The following EPHA6 variants were observed in gnomAD, a reference collection of about 807,000 sequenced individuals.
EPHA6 encodes EPH receptor A6.
EPHA6 carries 50 observed loss-of-function variants against 112.0 expected under a neutral mutation model. The observed-to-expected ratio is 0.45, with a 90% CI of 0.36 to 0.56. EPHA6 has a LOEUF of 0.56. EPHA6 is among the 20% of genes least tolerant of loss of function. The pLI is 0.00. For missense variants in EPHA6, 1,280 were observed against 1,417.4 expected, an observed-to-expected ratio of 0.90 and a Z score of 1.56; for synonymous variants, 529 against 490.7, an observed-to-expected ratio of 1.08 and a Z score of -1.03.
chr3:96,947,198 G>A (rs1211384456), intron 2 of EPHA6, among the ~76,000 whole-genome samples: 1 of 152,086 alleles, frequency 6.6e-6, no homozygotes, highest in African/African-American at 2.4e-5. Flanking sequence ...GATCCCATTT[G>A]TCAGTTTTGG....
intron 3 of EPHA6, among the ~76,000 whole-genome samples, chr3:97,108,501 T>A (rs989791126): frequency 5.9e-5 from 9 of 152,140 alleles, no homozygotes; most frequent in Non-Finnish European, 1.0e-4. Context: ...CCAAGGAAAG[T>A]ACATAAGAAA....
intron 3 of EPHA6, among the ~76,000 whole-genome samples, chr3:96,989,923 A>G (rs1234058422): frequency 6.6e-6 from 1 of 152,144 alleles, no homozygotes; most frequent in Non-Finnish European, 1.5e-5. Flanking sequence ...AAATTTATAC[A>G]TATGAATAAT....
intron 3 of EPHA6, among the ~76,000 whole-genome samples, chr3:97,049,621 G>A (rs985217940): frequency 1.3e-5 from 2 of 152,170 alleles, no homozygotes; most frequent in Non-Finnish European, 2.9e-5. Context: ...TCACCATAAA[G>A]GAATGAATAC....
At chr3:97,405,032 A>G in intron 5 of EPHA6, 118 bp from the exon 6 acceptor site, 1 of 1,122,442 alleles carries the variant, frequency 8.9e-7, no homozygotes, top group Non-Finnish European at 1.3e-6. Flanking sequence ...ATCTGCCTTC[A>G]ATAAATGGTG....
At chr3:97,334,474 T>TC (rs2082957909) in intron 5 of EPHA6, among the ~76,000 whole-genome samples, 1 of 145,780 alleles carries the variant, frequency 6.9e-6, no homozygotes, top group South Asian at 2.1e-4. Context: ...TCTTTTTTTT[T>TC]CTTCTTTTTT....
rs1263579555 is a variant in EPHA6, at chr3:97,624,945, T to C, written c.2575-12928T>C. Among the ~76,000 whole-genome samples the C allele has an allele frequency of 2.0e-5, 3 of 151,688 alleles. No individual in the cohort carries two copies. The East Asian group carries it at 5.8e-4, about 29-fold the overall frequency. The stretch of plus-strand genomic sequence containing the variant: ...AATTTCAGTCTTCTCTTCATTTTCT[T>C]GGTCAATCTAGATAAAAGTTTGTTG... On this transcript the variant is annotated intron_variant, in intron 13 of 17. Coordinates refer to ENST00000389672, the MANE Select transcript of EPHA6 (RefSeq NM_001080448.3).
At chr3:96,897,787 G>A (rs947656402) in intron 2 of EPHA6, among the ~76,000 whole-genome samples, 2 of 152,160 alleles carry the variant, frequency 1.3e-5, no homozygotes, top group African/African-American at 4.8e-5. Context: ...ATATCTGTGA[G>A]TATGTTGATT....
intron 3 of EPHA6, among the ~76,000 whole-genome samples, chr3:97,053,903 T>C (rs1487333644): frequency 6.6e-6 from 1 of 152,064 alleles, no homozygotes; most frequent in African/African-American, 2.4e-5. Flanking sequence ...GCTCAAATTA[T>C]ATAATTTCAG....
intron 5 of EPHA6, among the ~76,000 whole-genome samples, chr3:97,340,552 G>C (rs1004184338): frequency 3.9e-5 from 6 of 152,188 alleles, no homozygotes; most frequent in African/African-American, 1.4e-4. Context: ...GAAAGGGATA[G>C]TGGGTGTTTC....
Position 96,956,514 on chromosome 3 carries a change from A to C in EPHA6, c.451-30816A>C, listed in dbSNP as rs566337749. Among the ~76,000 whole-genome samples, 13 of 152,322 alleles carry C rather than the reference A, an allele frequency of 8.5e-5. No homozygotes were observed. In the South Asian group the frequency reaches 2.5e-3, roughly 29 times the overall value. On this transcript the variant is annotated intron_variant, in intron 2 of 17. Coordinates refer to ENST00000389672, the MANE Select transcript of EPHA6 (RefSeq NM_001080448.3). ...TTTTCATTACATCTAATTAAAGGTT[A>C]TGACTTTGGAATAAAAAGACGATAT...
intron 11 of EPHA6, among the ~76,000 whole-genome samples, chr3:97,583,212 C>T (rs760136008): frequency 8.6e-5 from 13 of 151,776 alleles, no homozygotes; most frequent in Non-Finnish European, 1.9e-4. Context: ...TAGCTGACTC[C>T]TTGGCACCTG....
rs544607435 is a variant in EPHA6, at chr3:97,078,278, C to A, written c.1114+90285C>A. On this transcript the variant is annotated intron_variant, in intron 3 of 17. Coordinates refer to ENST00000389672, the MANE Select transcript of EPHA6 (RefSeq NM_001080448.3). ...CTTGTAAATTTGTTTAAGTTCTTTG[C>A]AGATTCTGGATATTAGCCCTTTTTC... is the stretch of plus-strand genomic sequence containing the variant. Among the ~76,000 whole-genome samples the A allele has an allele frequency of 3.3e-5, 5 of 152,046 alleles. No individual in the cohort carries two copies. The East Asian group carries it at 9.7e-4, about 29-fold the overall frequency.
At chr3:97,132,846 T>C (rs1301091096) in intron 3 of EPHA6, among the ~76,000 whole-genome samples, 2 of 151,988 alleles carry the variant, frequency 1.3e-5, no homozygotes, top group Non-Finnish European at 2.9e-5. Flanking sequence ...CTAATCGAAG[T>C]ATGCATTCAC....
chr3:97,513,513 G>C (rs1485905461), intron 10 of EPHA6, among the ~76,000 whole-genome samples: 1 of 152,174 alleles, frequency 6.6e-6, no homozygotes, highest in Non-Finnish European at 1.5e-5. Context: ...AGGAAATCCT[G>C]TCATTTGTGA....
intron 3 of EPHA6, among the ~76,000 whole-genome samples, chr3:97,078,102 G>T (rs1413120175): frequency 6.6e-6 from 1 of 152,084 alleles, no homozygotes; most frequent in Non-Finnish European, 1.5e-5. Context: ...GGTGTGAGAT[G>T]GTATCTCATT....
intron 3 of EPHA6, among the ~76,000 whole-genome samples, chr3:97,211,430 T>G (rs1179130430): frequency 6.6e-6 from 1 of 152,196 alleles, no homozygotes; most frequent in Non-Finnish European, 1.5e-5. Flanking sequence ...TATCATAGAC[T>G]GTGTGGCTTA....
intron 14 of EPHA6, among the ~76,000 whole-genome samples, chr3:97,708,523 A>G (rs1349302489): frequency 1.3e-5 from 2 of 152,372 alleles, no homozygotes; most frequent in Middle Eastern, 6.8e-3. Context: ...TTGAAGCCTG[A>G]CCTTTTGGTA....
chr3:97,524,689 G>A (rs1196827147), intron 10 of EPHA6, among the ~76,000 whole-genome samples: 1 of 152,012 alleles, frequency 6.6e-6, no homozygotes, highest in Non-Finnish European at 1.5e-5. Context: ...CTCAGCTTTT[G>A]TTTGTCTTAG....
chr3:97,280,071 A>G (rs1348587097), intron 5 of EPHA6, among the ~76,000 whole-genome samples: 2 of 152,172 alleles, frequency 1.3e-5, no homozygotes, highest in Non-Finnish European at 2.9e-5. Context: ...TTTTTAGTAG[A>G]GACAGAGTTT....
Sources: allele counts gnomAD v4.1 joint callset (sites outside exome capture counted in the v4.1 genomes callset), GRCh38; gene constraint gnomAD v4.1.1; transcripts MANE v1.5; gene names NCBI Gene and HGNC (gene_info 2026-07-23, HGNC 2026-07-21).